Variants in ACOXL observed in about 807,000 individuals in gnomAD.
The protein encoded by ACOXL is acyl-coenzyme A oxidase-like protein.
Under a neutral mutation model 71.9 loss-of-function variants are expected in ACOXL, and 70 were observed. That is an observed-to-expected ratio of 0.97 (90% CI 0.80 to 1.19). The LOEUF is 1.19. Ranked by LOEUF, ACOXL falls within the 50% of genes most tolerant of loss-of-function variation. ACOXL has a pLI of 0.00. For missense variants in ACOXL, 703 were observed against 736.3 expected (o/e 0.95, Z 0.52); for synonymous variants, 253 against 281.6 (o/e 0.90, Z 1.02).
chr2:110,902,305 A>C (rs553947941), intron 10 of ACOXL, among the ~76,000 whole-genome samples: 1 of 152,098 alleles, frequency 6.6e-6, no homozygotes, highest in Non-Finnish European at 1.5e-5. Context: ...CCCAGTCTCT[A>C]CTAAAATTAC....
At chr2:110,819,438 A>G (rs1455593200) in intron 9 of ACOXL, among the ~76,000 whole-genome samples, 1 of 152,134 alleles carries the variant, frequency 6.6e-6, no homozygotes, top group African/African-American at 2.4e-5. Context: ...TCTGGGAGGC[A>G]CTGACCGAAG....
chr2:110,742,014 C>T (rs946685211), intron 1 of ACOXL, among the ~76,000 whole-genome samples: 3 of 152,220 alleles, frequency 2.0e-5, no homozygotes, highest in Non-Finnish European at 2.9e-5. Flanking sequence ...TCTGTGCCCC[C>T]TGACTGTGTT....
chr2:111,046,961 C>T (rs2066045595), intron 15 of ACOXL, among the ~76,000 whole-genome samples: 1 of 152,130 alleles, frequency 6.6e-6, no homozygotes, highest in South Asian at 2.1e-4. Context: ...CAGCAGTGGG[C>T]ATGGAGGCTG....
intron 10 of ACOXL, among the ~76,000 whole-genome samples, chr2:110,848,652 C>T (rs1245123677): frequency 6.6e-6 from 1 of 152,174 alleles, no homozygotes; most frequent in Non-Finnish European, 1.5e-5. Flanking sequence ...CTCTCCTATA[C>T]CCCTTTAGTC....
chr2:111,045,616 G>A (rs1574589694), intron 15 of ACOXL, among the ~76,000 whole-genome samples: 1 of 58,804 alleles, frequency 1.7e-5, no homozygotes, highest in South Asian at 5.8e-4. Context: ...TCTCAGGTAT[G>A]TCTTTATGAA....
intron 10 of ACOXL, among the ~76,000 whole-genome samples, chr2:110,882,022 G>A (rs1018297753): frequency 2.0e-5 from 3 of 152,128 alleles, no homozygotes; most frequent in Non-Finnish European, 4.4e-5. Flanking sequence ...TGTAGTCGGT[G>A]TATGTTTAAC....
chr2:111,025,845 T>C (rs1486935555), intron 14 of ACOXL, among the ~76,000 whole-genome samples: 1 of 152,226 alleles, frequency 6.6e-6, no homozygotes, highest in East Asian at 1.9e-4. Context: ...TCACTAAGAT[T>C]TTCTGTTAGG....
chr2:110,775,892 GAAAT>G, intron 2 of ACOXL, among the ~76,000 whole-genome samples: 1 of 152,286 alleles, frequency 6.6e-6, no homozygotes, highest in Middle Eastern at 3.4e-3. Flanking sequence ...ATGCGATCCA[GAAAT>G]TCCACTTCTT....
chr2:110,817,214 G>A (rs898612895), intron 9 of ACOXL, among the ~76,000 whole-genome samples: 2 of 152,220 alleles, frequency 1.3e-5, no homozygotes, highest in Non-Finnish European at 2.9e-5. Context: ...CTAGGCTCTT[G>A]AGATTCCATG....
chr2:110,787,079 C>T (rs906683532), intron 3 of ACOXL, among the ~76,000 whole-genome samples: 2 of 146,550 alleles, frequency 1.4e-5, no homozygotes, highest in East Asian at 2.0e-4. Flanking sequence ...GTAGGGGTGG[C>T]GGGGGGAGGG....
At chr2:110,879,342 C>T (rs754648509) in intron 10 of ACOXL, among the ~76,000 whole-genome samples, 7 of 152,138 alleles carry the variant, frequency 4.6e-5, no homozygotes, top group Non-Finnish European at 8.8e-5. Flanking sequence ...CAGCTCAAGG[C>T]AGATGTCCGT....
intron 12 of ACOXL, chr2:110,963,659 G>A: frequency 1.2e-6 from 2 of 1,613,918 alleles, no homozygotes; most frequent in East Asian, 2.2e-5. Flanking sequence ...CAGGCTTAAA[G>A]TGTGACACAG....
chr2:110,836,411 G>C (rs1690473639), intron 9 of ACOXL, among the ~76,000 whole-genome samples: 1 of 152,092 alleles, frequency 6.6e-6, no homozygotes, highest in Non-Finnish European at 1.5e-5. Flanking sequence ...GCCTGGCCCT[G>C]TTTGAGTGGT....
intron 1 of ACOXL, among the ~76,000 whole-genome samples, chr2:110,751,174 G>C (rs1678907323): frequency 6.6e-6 from 1 of 151,914 alleles, no homozygotes; most frequent in African/African-American, 2.4e-5. Flanking sequence ...TGTAGCGGGT[G>C]CCTGTAGTCC....
intron 10 of ACOXL, among the ~76,000 whole-genome samples, chr2:110,892,972 C>T (rs1698091959): frequency 6.6e-6 from 1 of 152,148 alleles, no homozygotes; most frequent in Admixed American, 6.5e-5. Context: ...TTCCCATATC[C>T]CACTGGGGTA....
chr2:111,078,529 G>T (rs994664034), intron 16 of ACOXL, among the ~76,000 whole-genome samples: 12 of 152,144 alleles, frequency 7.9e-5, no homozygotes, highest in Non-Finnish European at 5.9e-5. Context: ...CCCCCAAAAT[G>T]CTGGGATTAC....
At chr2:110,952,820 T>C (rs534715448) in intron 12 of ACOXL, among the ~76,000 whole-genome samples, 79 of 152,308 alleles carry the variant, frequency 5.2e-4, no homozygotes, top group African/African-American at 1.8e-3. Context: ...TTGAATGTTA[T>C]CTTCTCCATT....
chr2:110,964,901 C>T (rs1187220926), intron 12 of ACOXL, among the ~76,000 whole-genome samples: 7 of 152,174 alleles, frequency 4.6e-5, no homozygotes, highest in Admixed American at 2.6e-4. Context: ...ACTCTGCTAT[C>T]GAACATTATA....
intron 16 of ACOXL, among the ~76,000 whole-genome samples, chr2:111,072,465 CAG>C (rs769262147): frequency 3.8e-4 from 58 of 152,190 alleles, no homozygotes; most frequent in Non-Finnish European, 1.2e-4. Flanking sequence ...TGTGGATTAG[CAG>C]AGTTTGTTTT....
Sources: allele counts gnomAD v4.1 joint callset (sites outside exome capture counted in the v4.1 genomes callset), GRCh38; gene constraint gnomAD v4.1.1; transcripts MANE v1.5; gene names NCBI Gene and HGNC (gene_info 2026-07-23, HGNC 2026-07-21).